The following CARMIL1 variants were observed in gnomAD, a reference collection of about 807,000 sequenced individuals.
The protein encoded by CARMIL1 is F-actin-uncapping protein LRRC16A.
A neutral mutation model predicts 177.1 loss-of-function variants in CARMIL1; 90 were observed. The ratio of observed to expected loss-of-function variants is 0.51; its 90% CI spans 0.43 to 0.61. The LOEUF (loss-of-function observed/expected upper bound fraction) is 0.61. CARMIL1 is among the 20% of genes least tolerant of loss of function. The pLI is 0.00. For missense variants in CARMIL1, 1,380 were observed against 1,667.0 expected, an observed-to-expected ratio of 0.83 and a Z score of 3.00; for synonymous variants, 577 against 606.2, an observed-to-expected ratio of 0.95 and a Z score of 0.71.
At chr6:25,427,085 G>T (rs559758705) in intron 4 of CARMIL1, among the ~76,000 whole-genome samples, 1 of 152,098 alleles carries the variant, frequency 6.6e-6, no homozygotes, top group African/African-American at 2.4e-5. Context: ...GCTGTAGTTT[G>T]CATTTTAAAA....
At chr6:25,544,493 G>A (rs1366343882) in intron 26 of CARMIL1, among the ~76,000 whole-genome samples, 2 of 152,026 alleles carry the variant, frequency 1.3e-5, no homozygotes, top group East Asian at 3.9e-4. Flanking sequence ...AAACTTTAGA[G>A]AGTACATAAC....
chr6:25,419,355 A>G (rs756517056), intron 2 of CARMIL1, among the ~76,000 whole-genome samples: 3 of 152,200 alleles, frequency 2.0e-5, no homozygotes, highest in Non-Finnish European at 4.4e-5. Flanking sequence ...AAGACTCATG[A>G]GGCCTGTCCA....
At chr6:25,529,579 A>G (rs1372770869) in intron 24 of CARMIL1, among the ~76,000 whole-genome samples, 1 of 152,130 alleles carries the variant, frequency 6.6e-6, no homozygotes, top group Non-Finnish European at 1.5e-5. Context: ...TACAGCAGAG[A>G]GCTTTAAAAA....
chr6:25,587,879 G>C lies in CARMIL1; in HGVS notation c.3006+6440G>C, dbSNP rs536357248. On this transcript the variant is annotated intron_variant, in intron 31 of 36. Coordinates refer to ENST00000329474, the MANE Select transcript of CARMIL1 (RefSeq NM_017640.6). ...TTTTCTCAGGTACCAGAATGTGCCAGCTACAACAGAGAAAAGGGGGAAAAC... is the reference window on the plus strand; with the variant it reads ...TTTTCTCAGGTACCAGAATGTGCCACCTACAACAGAGAAAAGGGGGAAAAC... Among the ~76,000 whole-genome samples the C allele has an allele frequency of 6.6e-5, 10 of 152,250 alleles. No individual in the cohort carries two copies. The East Asian group carries it at 1.9e-3, about 29-fold the overall frequency.
intron 23 of CARMIL1, among the ~76,000 whole-genome samples, chr6:25,527,170 C>G (rs1041768892): frequency 2.0e-5 from 3 of 152,164 alleles, no homozygotes; most frequent in Non-Finnish European, 4.4e-5. Flanking sequence ...ACAATGACAC[C>G]TTTGGTCCTT....
chr6:25,532,536 T>C (rs769166575), intron 24 of CARMIL1, among the ~76,000 whole-genome samples: 9 of 152,198 alleles, frequency 5.9e-5, no homozygotes, highest in East Asian at 1.9e-4. Flanking sequence ...ACCTTGAAGA[T>C]TGCAGAAACC....
At chr6:25,589,362 A>G (rs1814083223) in intron 31 of CARMIL1, among the ~76,000 whole-genome samples, 1 of 152,118 alleles carries the variant, frequency 6.6e-6, no homozygotes, top group Non-Finnish European at 1.5e-5. Context: ...AGCTCTTTCG[A>G]TGTACTTCAT....
intron 16 of CARMIL1, among the ~76,000 whole-genome samples, chr6:25,499,257 T>C (rs1804067935): frequency 6.6e-6 from 1 of 152,240 alleles, no homozygotes; most frequent in Non-Finnish European, 1.5e-5. Flanking sequence ...AATAAATACC[T>C]GGTTTCCACT....
chr6:25,384,069 C>T (rs1791892294), intron 2 of CARMIL1, among the ~76,000 whole-genome samples: 1 of 152,152 alleles, frequency 6.6e-6, no homozygotes, highest in Admixed American at 6.6e-5. Context: ...GAACTCCTGA[C>T]CTCAAGCGCT....
chr6:25,389,255 A>G (rs897497495), intron 2 of CARMIL1: 19 of 152,228 alleles, frequency 1.2e-4, no homozygotes, highest in African/African-American at 4.6e-4. Context: ...AAACTTCAAA[A>G]GAATCTTTCA....
intron 36 of CARMIL1, among the ~76,000 whole-genome samples, chr6:25,615,891 A>G (rs1486596970): frequency 6.6e-6 from 1 of 152,260 alleles, no homozygotes. Context: ...ATTTATATGC[A>G]TATTTCAGAA....
At chr6:25,586,516 G>A (rs1483750013) in intron 31 of CARMIL1, among the ~76,000 whole-genome samples, 6 of 150,428 alleles carry the variant, frequency 4.0e-5, no homozygotes, top group African/African-American at 9.9e-5. Flanking sequence ...GACGATGGGC[G>A]GCCAGGCAGA....
chr6:25,296,001 T>C (rs1782341063), intron 2 of CARMIL1, among the ~76,000 whole-genome samples: 1 of 152,228 alleles, frequency 6.6e-6, no homozygotes, highest in Admixed American at 6.5e-5. Flanking sequence ...TTTCATTAGA[T>C]GAAATGTAAT....
chr6:25,415,653 A>G (rs1161002283), intron 2 of CARMIL1, among the ~76,000 whole-genome samples: 1 of 152,164 alleles, frequency 6.6e-6, no homozygotes, highest in Non-Finnish European at 1.5e-5. Flanking sequence ...GGACGTTGTA[A>G]TCACTTAATA....
intron 24 of CARMIL1, among the ~76,000 whole-genome samples, chr6:25,535,142 C>T (rs144130037): frequency 6.6e-6 from 1 of 152,192 alleles, no homozygotes; most frequent in Non-Finnish European, 1.5e-5. Context: ...AAGACGATAG[C>T]TCTGTTCATC....
chr6:25,558,240 C>G lies in CARMIL1; in HGVS notation c.2742+1390C>G, dbSNP rs1810800225. ...AAAAATTTGAAATCAACTCCACATA[C>G]CACGTTTCCTACCAGATTTATTTGG... On this transcript the variant is annotated intron_variant, in intron 29 of 36. Transcript: ENST00000329474. This position sits in a 1 kb window ranked among gnomAD's most constrained non-coding sequence, Gnocchi z 4.1. Among the ~76,000 whole-genome samples, 1 of 152,116 alleles carries G rather than the reference C, an allele frequency of 6.6e-6. No homozygotes were observed. The highest frequency in any genetic ancestry group is 1.5e-5 in the Non-Finnish European group (1 of 68,022).
chr6:25,586,120 C>T (rs898267528), intron 31 of CARMIL1, among the ~76,000 whole-genome samples: 20 of 147,222 alleles, frequency 1.4e-4, no homozygotes, highest in South Asian at 4.3e-4. Flanking sequence ...CCTAACGGGA[C>T]GGCTGGCCGG....
At chr6:25,370,151 C>A (rs1790266974) in intron 2 of CARMIL1, 1 of 152,188 alleles carries the variant, frequency 6.6e-6, no homozygotes, top group Non-Finnish European at 1.5e-5. Flanking sequence ...TCCTTGCCAA[C>A]CTCATTAGAA....
intron 4 of CARMIL1, among the ~76,000 whole-genome samples, chr6:25,429,285 C>T (rs755657692): frequency 6.6e-6 from 1 of 152,174 alleles, no homozygotes; most frequent in Admixed American, 6.5e-5. Flanking sequence ...TGCAAGCATC[C>T]ATCTGAAGCA....
Sources: gnomAD v4.1 joint callset for allele counts (sites outside exome capture counted in the v4.1 genomes callset) on GRCh38, gnomAD v4.1.1 for gene constraint, Gnocchi (gnomAD v3.1) non-coding constraint, MANE v1.5 for transcripts, NCBI Gene and HGNC (gene_info 2026-07-23, HGNC 2026-07-21) for gene names.